Variants in HEMK2 observed in about 807,000 individuals in gnomAD.
HEMK2 encodes the protein HemK methyltransferase 2, ETF1 glutamine and histone H4 lysine, also known as methyltransferase HEMK2.
At chr21:28,863,437 T>C in the HEMK2 span, among the ~76,000 whole-genome samples, 6 of 80,468 alleles carry the variant, frequency 7.5e-5, 1 homozygote, top group South Asian at 3.7e-4. Context: ...TATATATATA[T>C]ATATATATAT....
the HEMK2 span, among the ~76,000 whole-genome samples, chr21:28,877,254 GA>G: frequency 4.0e-4 from 20 of 49,632 alleles, no homozygotes; most frequent in South Asian, 9.1e-4. Context: ...GGGAAGGGAA[GA>G]GAAGGGAAGG....
At chr21:28,590,418 A>T in the HEMK2 span, among the ~76,000 whole-genome samples, 11 of 141,726 alleles carry the variant, frequency 7.8e-5, no homozygotes, top group East Asian at 1.9e-4. Context: ...AATGAAAAAT[A>T]AAAAAAAACT....
chr21:28,626,133 A>G, the HEMK2 span, among the ~76,000 whole-genome samples: 1 of 146,432 alleles, frequency 6.8e-6, no homozygotes, highest in Non-Finnish European at 1.5e-5. Flanking sequence ...CTATTTAAAG[A>G]AAAAAAAAAG....
the HEMK2 span, chr21:28,874,700 C>CT: frequency 6.6e-6 from 1 of 152,254 alleles, no homozygotes; most frequent in East Asian, 1.9e-4. Context: ...TGAGCATTCA[C>CT]ATGGGGCACA....
the HEMK2 span, among the ~76,000 whole-genome samples, chr21:28,600,467 AGCAGGGG>A: frequency 1.3e-5 from 2 of 152,222 alleles, no homozygotes; most frequent in African/African-American, 4.8e-5. Flanking sequence ...GGCTGCACAC[AGCAGGGG>A]CACCCTGGGC....
chr21:28,703,145 A>C, the HEMK2 span, among the ~76,000 whole-genome samples: 1 of 152,162 alleles, frequency 6.6e-6, no homozygotes, highest in Non-Finnish European at 1.5e-5. Context: ...AACAACAGAC[A>C]CTGGAGCCTA....
the HEMK2 span, among the ~76,000 whole-genome samples, chr21:28,860,242 G>A: frequency 1.3e-5 from 2 of 152,018 alleles, no homozygotes; most frequent in African/African-American, 2.4e-5. Context: ...TAGAAAAGAA[G>A]CAGGCAGAAA....
At chr21:28,783,008 C>T in the HEMK2 span, among the ~76,000 whole-genome samples, 3 of 152,132 alleles carry the variant, frequency 2.0e-5, no homozygotes, top group Admixed American at 6.5e-5. Context: ...ACACAGACAT[C>T]CCTGATACAG....
At chr21:28,635,101 C>CTTT in the HEMK2 span, among the ~76,000 whole-genome samples, 6 of 142,892 alleles carry the variant, frequency 4.2e-5, no homozygotes, top group Non-Finnish European at 7.6e-5. Context: ...ATGTCCTCAT[C>CTTT]TTTTTTTTTT....
chr21:28,829,232 A>G, the HEMK2 span, among the ~76,000 whole-genome samples: 1 of 152,172 alleles, frequency 6.6e-6, no homozygotes, highest in African/African-American at 2.4e-5. Flanking sequence ...ATCTACCATT[A>G]CCCAAGTCTT....
At chr21:28,617,559 T>C in the HEMK2 span, among the ~76,000 whole-genome samples, 1 of 152,206 alleles carries the variant, frequency 6.6e-6, no homozygotes, top group Non-Finnish European at 1.5e-5. Context: ...CTACAAAGCA[T>C]TGGCCATTGC....
the HEMK2 span, among the ~76,000 whole-genome samples, chr21:28,596,498 G>A: frequency 2.6e-5 from 4 of 152,216 alleles, no homozygotes; most frequent in East Asian, 5.8e-4. Context: ...ACTATGATAT[G>A]TATTGTTACA....
the HEMK2 span, among the ~76,000 whole-genome samples, chr21:28,601,102 A>G: frequency 0.01 from 1,552 of 152,290 alleles, 31 homozygotes; most frequent in African/African-American, 0.035. Flanking sequence ...ACCATTGCTC[A>G]CTACTTCCAA....
the HEMK2 span, among the ~76,000 whole-genome samples, chr21:28,804,151 A>C: frequency 5.3e-5 from 8 of 152,240 alleles, no homozygotes; most frequent in African/African-American, 1.9e-4. Context: ...TATTAGCTTT[A>C]TCTCCAAAAG....
chr21:28,826,435 G>A, the HEMK2 span, among the ~76,000 whole-genome samples: 1 of 152,134 alleles, frequency 6.6e-6, no homozygotes, highest in African/African-American at 2.4e-5. Context: ...TTGGGAATAT[G>A]GATTTCACCT....
At chr21:28,664,688 A>T in the HEMK2 span, among the ~76,000 whole-genome samples, 2 of 152,132 alleles carry the variant, frequency 1.3e-5, no homozygotes. Flanking sequence ...GTCCTTCTCT[A>T]TGTGCACTAC....
chr21:28,749,820 G>T, the HEMK2 span, among the ~76,000 whole-genome samples: 10 of 152,280 alleles, frequency 6.6e-5, no homozygotes, highest in South Asian at 8.3e-4. Flanking sequence ...GAGAGATAGG[G>T]TATCTCTTAC....
the HEMK2 span, among the ~76,000 whole-genome samples, chr21:28,749,444 T>C: frequency 6.6e-6 from 1 of 152,222 alleles, no homozygotes. Flanking sequence ...TACCTCAAAG[T>C]CAGAGGATCC....
At chr21:28,696,274 C>A in the HEMK2 span, among the ~76,000 whole-genome samples, 197 of 152,268 alleles carry the variant, frequency 1.3e-3, no homozygotes, top group African/African-American at 4.5e-3. Context: ...AGGGACACAG[C>A]CAAACCACAA....
Sources: allele counts gnomAD v4.1 joint callset (sites outside exome capture counted in the v4.1 genomes callset), GRCh38; gene constraint gnomAD v4.1.1; transcripts MANE v1.5; gene names NCBI Gene and HGNC (gene_info 2026-07-23, HGNC 2026-07-21).